The following PDLIM5 variants were observed in gnomAD, a reference collection of about 807,000 sequenced individuals.
PDLIM5 encodes the protein PDZ and LIM domain 5, also known as PDZ and LIM domain protein 5.
Under a neutral mutation model 64.2 loss-of-function variants are expected in PDLIM5, and 34 were observed. That is an observed-to-expected ratio of 0.53 (90% CI 0.40 to 0.71). The LOEUF (loss-of-function observed/expected upper bound fraction) is 0.71, where lower values mean the gene tolerates loss of function less well. Among genes scored for constraint, PDLIM5 ranks in the 30% least tolerant of loss-of-function variants. The probability of loss-of-function intolerance (pLI) is 0.00; values close to 1 mark genes in which losing one functional copy is unlikely to be tolerated. For synonymous variants in PDLIM5, 253 were observed against 269.1 expected (o/e 0.94, Z 0.59); for missense variants, 683 against 733.6 (o/e 0.93, Z 0.80).
At chr4:94,506,740 A>G (rs1728429560) in intron 2 of PDLIM5, among the ~76,000 whole-genome samples, 2 of 152,196 alleles carry the variant, frequency 1.3e-5, no homozygotes, top group Admixed American at 6.5e-5. Context: ...GGATGCTTAG[A>G]TAGCAGGTAA....
chr4:94,611,205 T>C (rs931836531), intron 7 of PDLIM5: 5 of 1,533,506 alleles, frequency 3.3e-6, no homozygotes, highest in Admixed American at 2.0e-5. Context: ...AACAAGGTAC[T>C]GTGGGAGCAG....
chr4:94,663,099 TTAAAA>T, intron 12 of PDLIM5, among the ~76,000 whole-genome samples: 1 of 152,302 alleles, frequency 6.6e-6, no homozygotes, highest in Non-Finnish European at 1.5e-5. Context: ...GATTCAAATA[TTAAAA>T]TAAATAGTTT....
intron 9 of PDLIM5, among the ~76,000 whole-genome samples, chr4:94,649,341 T>TA (rs376992931): frequency 2.1e-3 from 317 of 152,324 alleles, no homozygotes; most frequent in African/African-American, 7.3e-3. Context: ...ACAGGAGTGA[T>TA]ACCCTGTCAT....
chr4:94,451,976 C>T lies in PDLIM5; in HGVS notation c.-62C>T, dbSNP rs879440368. On this transcript the variant is annotated 5_prime_UTR_variant, in exon 1 of 13. Coordinates refer to ENST00000317968, the MANE Select transcript of PDLIM5 (RefSeq NM_006457.5). Reference sequence around the variant, plus strand: ...CCCTTGTCTGAGGCGGAGGCAGCCCCGCGCCGCGCCGGACCCGAGGTGAGT... The same window carrying T: ...CCCTTGTCTGAGGCGGAGGCAGCCCTGCGCCGCGCCGGACCCGAGGTGAGT... 6.6e-6 allele frequency: 1 copy of T among 152,262 alleles called. No homozygotes were observed. Among genetic ancestry groups the T allele is most frequent in the African/African-American group, 2.4e-5 (1 of 41,446 alleles). The allele number at this position is 152,262 out of a possible 1,614,324, so 9.4% of individuals were successfully genotyped here. A position where few individuals can be genotyped will look rare whatever the true frequency, so the allele number is the denominator to read the frequency against.
At chr4:94,479,503 T>A (rs1725662707) in intron 2 of PDLIM5, among the ~76,000 whole-genome samples, 3 of 151,558 alleles carry the variant, frequency 2.0e-5, no homozygotes, top group African/African-American at 7.3e-5. Flanking sequence ...GATTTTTATT[T>A]TTTTTTTTGT....
intron 5 of PDLIM5, among the ~76,000 whole-genome samples, chr4:94,580,706 T>C (rs1735662387): frequency 1.3e-5 from 2 of 152,094 alleles, no homozygotes; most frequent in Admixed American, 6.6e-5. Context: ...CTTTAAACTC[T>C]CATGCCAAGA....
intron 5 of PDLIM5, among the ~76,000 whole-genome samples, chr4:94,576,711 A>T (rs1676913675): frequency 6.6e-6 from 1 of 152,246 alleles, no homozygotes; most frequent in Admixed American, 6.5e-5. Flanking sequence ...ATTGGACACT[A>T]AACATACATG....
chr4:94,604,300 A>G (rs1221788172), intron 7 of PDLIM5, among the ~76,000 whole-genome samples: 7 of 152,206 alleles, frequency 4.6e-5, no homozygotes, highest in Admixed American at 3.9e-4. Context: ...GAGGTATCTA[A>G]TGTAGTCATC....
chr4:94,471,915 A>ATACTTACAAAGACCTTATAAGTATTTG (rs1560637434), intron 2 of PDLIM5, among the ~76,000 whole-genome samples: 59 of 151,884 alleles, frequency 3.9e-4, no homozygotes, highest in South Asian at 6.2e-4. Flanking sequence ...ATAAGTATTT[A>ATACTTACAAAGACCTTATAAGTATTTG]TACTTACAAA....
At chr4:94,639,287 T>G (rs1279818117) in intron 8 of PDLIM5, among the ~76,000 whole-genome samples, 1 of 152,162 alleles carries the variant, frequency 6.6e-6, no homozygotes, top group East Asian at 1.9e-4. Context: ...GGGATTTGTA[T>G]GCAGCACGTG....
intron 8 of PDLIM5, among the ~76,000 whole-genome samples, chr4:94,624,819 G>A (rs1012937981): frequency 6.6e-6 from 1 of 152,174 alleles, no homozygotes; most frequent in African/African-American, 2.4e-5. Context: ...GCATTAATGG[G>A]GGTTTTGAAT....
chr4:94,604,002 T>C (rs1737709428), intron 7 of PDLIM5, among the ~76,000 whole-genome samples: 1 of 152,198 alleles, frequency 6.6e-6, no homozygotes, highest in Non-Finnish European at 1.5e-5. Context: ...GGGCTACTGC[T>C]CATAGGAGAC....
intron 2 of PDLIM5, among the ~76,000 whole-genome samples, chr4:94,458,404 T>G (rs572959168): frequency 6.6e-6 from 1 of 152,260 alleles, no homozygotes; most frequent in South Asian, 2.1e-4. Context: ...TATTATAAAC[T>G]TTAAAAAGAA....
Position 94,523,828 on chromosome 4 carries a change from G to A in PDLIM5, c.201G>A (p.Gln67=). ...NAQGMTHLEA[Q]NKIKGCTGSL... Reference sequence around the variant, plus strand: ...AAGGAATGACTCATCTTGAAGCCCAGAATAAGATTAAGGGTTGTACAGGCT... The same window carrying A: ...AAGGAATGACTCATCTTGAAGCCCAAAATAAGATTAAGGGTTGTACAGGCT... The change falls in exon 3 of 13, where the codon CAG becomes CAA. Residue 67 remains glutamine, a synonymous_variant. Transcript: ENST00000317968. The A allele has an allele frequency of 1.2e-6, 2 of 1,612,984 alleles. No individual in the cohort carries two copies. The highest frequency in any genetic ancestry group is 1.7e-6 in the Non-Finnish European group (2 of 1,179,042).
At chr4:94,635,693 C>T (rs967185311) in intron 8 of PDLIM5, among the ~76,000 whole-genome samples, 2 of 152,266 alleles carry the variant, frequency 1.3e-5, no homozygotes, top group African/African-American at 2.4e-5. Flanking sequence ...TCCCCTGTCC[C>T]AAGACCTCAC....
At chr4:94,589,446 T>C (rs960247541) in intron 7 of PDLIM5, among the ~76,000 whole-genome samples, 1 of 152,218 alleles carries the variant, frequency 6.6e-6, no homozygotes, top group Non-Finnish European at 1.5e-5. Flanking sequence ...AGGATAAATA[T>C]TCAGCCAGGA....
At chr4:94,661,595 CGTT>C (rs1335926444) in intron 11 of PDLIM5, among the ~76,000 whole-genome samples, 1 of 152,098 alleles carries the variant, frequency 6.6e-6, no homozygotes, top group African/African-American at 2.4e-5. Context: ...TGGCTAATAT[CGTT>C]GTGATACAGT....
chr4:94,475,198 A>G (rs1725219384), intron 2 of PDLIM5, among the ~76,000 whole-genome samples: 1 of 152,192 alleles, frequency 6.6e-6, no homozygotes, highest in East Asian at 1.9e-4. Flanking sequence ...TTTCTCCTCA[A>G]AGGAGGTTGT....
chr4:94,560,875 C>T (rs923317844), intron 3 of PDLIM5, among the ~76,000 whole-genome samples: 2 of 151,998 alleles, frequency 1.3e-5, no homozygotes, highest in Non-Finnish European at 2.9e-5. Flanking sequence ...TACAGTCGCC[C>T]GCCACCACGC....
Sources: allele counts gnomAD v4.1 joint callset (sites outside exome capture counted in the v4.1 genomes callset), GRCh38; gene constraint gnomAD v4.1.1; transcripts MANE v1.5; gene names NCBI Gene and HGNC (gene_info 2026-07-23, HGNC 2026-07-21).